Variants in KLF12 observed in about 807,000 individuals in gnomAD.
KLF12 encodes the protein KLF transcription factor 12.
Under a neutral mutation model 37.8 loss-of-function variants are expected in KLF12, and 9 were observed. The ratio of observed to expected loss-of-function variants is 0.24; its 90% confidence interval spans 0.14 to 0.42. The LOEUF is 0.42. Among genes scored for constraint, KLF12 ranks in the 10% least tolerant of loss-of-function variants. KLF12 has a pLI of 1.00. For missense variants in KLF12, 411 were observed against 516.0 expected, an observed-to-expected ratio of 0.80 and a Z score of 1.97; for synonymous variants, 208 against 202.1, an observed-to-expected ratio of 1.03 and a Z score of -0.25.
intron 1 of KLF12, among the ~76,000 whole-genome samples, chr13:74,013,114 C>A (rs1892591491): frequency 6.6e-6 from 1 of 152,210 alleles, no homozygotes; most frequent in Non-Finnish European, 1.5e-5. Context: ...AAGAAAGGCC[C>A]CTCATGGGAA....
At chr13:73,997,551 T>C (rs1892157615) in intron 1 of KLF12, among the ~76,000 whole-genome samples, 2 of 152,206 alleles carry the variant, frequency 1.3e-5, no homozygotes, top group Admixed American at 6.5e-5. Context: ...CCTTTAGTTT[T>C]TCCCCCCAAT....
the KLF12 span, among the ~76,000 whole-genome samples, chr13:74,304,026 T>C: frequency 1.3e-5 from 2 of 152,134 alleles, no homozygotes; most frequent in Admixed American, 1.3e-4. Flanking sequence ...CTCCTAGGCC[T>C]TTCCGAGGGC....
At chr13:74,127,906 T>C (rs918934536) in intron 1 of KLF12, among the ~76,000 whole-genome samples, 14 of 152,222 alleles carry the variant, frequency 9.2e-5, no homozygotes, top group Non-Finnish European at 8.8e-5. Context: ...CAGTTCAATG[T>C]ACTGCTTGAA....
At chr13:73,796,529 G>A (rs1388549771) in intron 5 of KLF12, among the ~76,000 whole-genome samples, 1 of 151,220 alleles carries the variant, frequency 6.6e-6, no homozygotes, top group African/African-American at 2.4e-5. Flanking sequence ...GTGTGTGTGT[G>A]TGTGTGTGTG....
chr13:74,024,082 C>T (rs149063979), intron 1 of KLF12, among the ~76,000 whole-genome samples: 74 of 152,294 alleles, frequency 4.9e-4, no homozygotes, highest in African/African-American at 1.8e-3. Context: ...GTCAGAGCTA[C>T]AGCAATGCCC....
At chr13:74,162,582 C>T in the KLF12 span, among the ~76,000 whole-genome samples, 13 of 152,192 alleles carry the variant, frequency 8.5e-5, no homozygotes, top group Non-Finnish European at 1.9e-4. Context: ...TTTAATGCTA[C>T]TTATTTTCTC....
chr13:73,853,302 A>T (rs1048100608), intron 3 of KLF12, among the ~76,000 whole-genome samples: 4 of 152,158 alleles, frequency 2.6e-5, no homozygotes, highest in African/African-American at 9.7e-5. Context: ...GACTTTCATA[A>T]ATCATATTAT....
intron 5 of KLF12, among the ~76,000 whole-genome samples, chr13:73,806,509 G>A (rs1037416696): frequency 6.6e-6 from 1 of 151,994 alleles, no homozygotes; most frequent in African/African-American, 2.4e-5. Flanking sequence ...AAATACAGGT[G>A]TGCACCACAG....
intron 1 of KLF12, among the ~76,000 whole-genome samples, chr13:73,996,089 CA>C (rs1892110374): frequency 6.6e-6 from 1 of 152,318 alleles, no homozygotes; most frequent in African/African-American, 2.4e-5. Flanking sequence ...GCAGAGTTCA[CA>C]AGCTCCATAG....
intron 3 of KLF12, among the ~76,000 whole-genome samples, chr13:73,942,180 G>A (rs1373529366): frequency 6.6e-6 from 1 of 152,144 alleles, no homozygotes; most frequent in Non-Finnish European, 1.5e-5. Context: ...ACCAAGACTG[G>A]TGACAGCAAC....
intron 3 of KLF12, among the ~76,000 whole-genome samples, chr13:73,864,486 C>T (rs562352904): frequency 4.0e-5 from 6 of 151,888 alleles, no homozygotes; most frequent in South Asian, 2.1e-4. Context: ...AGATACACAA[C>T]AATTATATCA....
At chr13:74,140,203 C>T in the KLF12 span, among the ~76,000 whole-genome samples, 1 of 152,118 alleles carries the variant, frequency 6.6e-6, no homozygotes, top group Non-Finnish European at 1.5e-5. Flanking sequence ...TAGAAACCTA[C>T]TGTCAAATTA....
chr13:73,775,323 G>A lies in KLF12; in HGVS notation c.807-10323C>T, dbSNP rs887951426. ...ACTAATAAATGGAATGCTGAAGAGT[G>A]GTAGAAAGAAAAGAGTAAAAGAAAA... On this transcript the variant is annotated intron_variant, in intron 5 of 7. Transcript: ENST00000377669. Among the ~76,000 whole-genome samples, 3 of 152,030 alleles carry A rather than the reference G, an allele frequency of 2.0e-5. No homozygotes were observed. The East Asian group carries it at 5.8e-4, about 29-fold the overall frequency.
chr13:74,084,479 T>G (rs1043370794), intron 1 of KLF12, among the ~76,000 whole-genome samples: 2 of 152,196 alleles, frequency 1.3e-5, no homozygotes, highest in Admixed American at 1.3e-4. Flanking sequence ...ACCACTCTGC[T>G]TACAGATCAC....
rs147004904 is a variant in KLF12 at position 73,959,243 on chromosome 13, C to G, written c.34-15173G>C. Among the ~76,000 whole-genome samples the G allele has an allele frequency of 3.2e-3, 485 of 152,080 alleles. 5 individuals carry two copies. The highest frequency in any genetic ancestry group is 0.011 in the African/African-American group (453 of 41,512). On this transcript the variant is annotated intron_variant, in intron 2 of 7. Transcript: ENST00000377669. ...AGGCTAGCAACTGTTCCCTTGCTAC[C>G]CCACATAAAACTTGTTACCACAATT...
intron 3 of KLF12, among the ~76,000 whole-genome samples, chr13:73,902,609 G>A (rs569812898): frequency 5.9e-5 from 9 of 152,136 alleles, no homozygotes; most frequent in South Asian, 2.1e-4. Context: ...GAGAATGGTC[G>A]CACTTACACA....
rs545276032 is a variant in KLF12 at position 73,966,313 on chromosome 13, T to A, written c.34-22243A>T. Among the ~76,000 whole-genome samples the A allele has an allele frequency of 5.3e-5, 8 of 151,238 alleles. No homozygotes were observed. In the East Asian group the frequency reaches 1.4e-3, roughly 26 times the overall value. ...AGTTAAAATTATGGTAGCTTTACTT[T>A]TCTCTCTGTTTTCTGATGTTTCTCT... On this transcript the variant is annotated intron_variant, in intron 2 of 7. Transcript: ENST00000377669.
intron 2 of KLF12, among the ~76,000 whole-genome samples, chr13:73,983,039 C>A (rs935468039): frequency 6.6e-6 from 1 of 151,974 alleles, no homozygotes; most frequent in African/African-American, 2.4e-5. Context: ...TTTCATTCAT[C>A]CTCTTGTTCA....
intron 2 of KLF12, among the ~76,000 whole-genome samples, chr13:73,951,965 T>TA (rs1039381825): frequency 1.3e-5 from 2 of 152,154 alleles, no homozygotes; most frequent in African/African-American, 2.4e-5. Flanking sequence ...GTTGGACTAA[T>TA]AAAAAAATAT....
Sources: gnomAD v4.1 joint callset for allele counts (sites outside exome capture counted in the v4.1 genomes callset) on GRCh38, gnomAD v4.1.1 for gene constraint, MANE v1.5 for transcripts, NCBI Gene and HGNC (gene_info 2026-07-23, HGNC 2026-07-21) for gene names.